CPA6: variants seen among roughly 807,000 people sequenced by gnomAD.
The protein encoded by CPA6 is carboxypeptidase A6, also known as carboxypeptidase B.
Under a neutral mutation model 63.3 loss-of-function variants are expected in CPA6, and 58 were observed. The ratio of observed to expected loss-of-function variants is 0.92; its 90% CI spans 0.74 to 1.14. The LOEUF (loss-of-function observed/expected upper bound fraction) is 1.14. Among genes scored for constraint, CPA6 ranks in the 50% most tolerant of loss-of-function variants. The probability of loss-of-function intolerance (pLI) is 0.00; values close to 1 mark genes in which losing one functional copy is unlikely to be tolerated. For missense variants in CPA6, 565 were observed against 526.6 expected, an observed-to-expected ratio of 1.07 and a Z score of -0.71; for synonymous variants, 185 against 179.0, an observed-to-expected ratio of 1.03 and a Z score of -0.27.
chr8:67,470,402 C>G (rs751382851), intron 8 of CPA6, among the ~76,000 whole-genome samples: 38 of 152,068 alleles, frequency 2.5e-4, no homozygotes, highest in Admixed American at 2.0e-4. Flanking sequence ...ATCCCAGTTA[C>G]AGCGCCCAGC....
intron 4 of CPA6, among the ~76,000 whole-genome samples, chr8:67,510,672 T>C (rs1812023892): frequency 6.6e-6 from 1 of 152,170 alleles, no homozygotes; most frequent in South Asian, 2.1e-4. Flanking sequence ...TGTCTGGCAT[T>C]CCTTTGTTCA....
At chr8:67,582,938 CTTTA>C (rs1449362863) in intron 2 of CPA6, among the ~76,000 whole-genome samples, 3 of 151,798 alleles carry the variant, frequency 2.0e-5, no homozygotes, top group Non-Finnish European at 4.4e-5. Context: ...GGTTGATAGT[CTTTA>C]TTTATTTGGG....
At chr8:67,478,957 T>G (rs2014477) in intron 8 of CPA6, among the ~76,000 whole-genome samples, 67,932 of 151,858 alleles carry the variant, frequency 0.45, 16,518 homozygotes, top group African/African-American at 0.67. Context: ...GGAGGCAGAG[T>G]TTGCAGTAAA....
chr8:67,557,985 C>A (rs1330593404), intron 2 of CPA6, among the ~76,000 whole-genome samples: 2 of 152,142 alleles, frequency 1.3e-5, no homozygotes, highest in East Asian at 1.9e-4. Context: ...GCCCTTAGAA[C>A]AAAGCCCTAC....
At chr8:67,648,381 G>A (rs1251143735) in intron 1 of CPA6, among the ~76,000 whole-genome samples, 2 of 149,318 alleles carry the variant, frequency 1.3e-5, no homozygotes, top group African/African-American at 4.9e-5. Context: ...AAGGGGTAAA[G>A]AACGGCATTG....
chr8:67,430,808 A>G (rs1750242710), intron 9 of CPA6, among the ~76,000 whole-genome samples: 1 of 152,072 alleles, frequency 6.6e-6, no homozygotes, highest in Non-Finnish European at 1.5e-5. Context: ...TGTGCCAATC[A>G]AAAATGTCTC....
chr8:67,439,270 G>T (rs1013818564), intron 8 of CPA6, among the ~76,000 whole-genome samples: 1 of 152,064 alleles, frequency 6.6e-6, no homozygotes, highest in Non-Finnish European at 1.5e-5. Flanking sequence ...TCTAGTCTGG[G>T]TGACAGAGCA....
chr8:67,592,666 T>C (rs1361501167), intron 2 of CPA6, among the ~76,000 whole-genome samples: 2 of 152,104 alleles, frequency 1.3e-5, no homozygotes, highest in Non-Finnish European at 2.9e-5. Flanking sequence ...TTTTCTAGTT[T>C]ATTTGCGTAG....
intron 4 of CPA6, among the ~76,000 whole-genome samples, chr8:67,509,904 T>C (rs920988111): frequency 2.0e-5 from 3 of 152,194 alleles, no homozygotes. Flanking sequence ...TAACAGATTT[T>C]TATAAAAAAT....
intron 10 of CPA6, among the ~76,000 whole-genome samples, chr8:67,426,746 T>C (rs971654698): frequency 6.6e-6 from 1 of 152,218 alleles, no homozygotes; most frequent in African/African-American, 2.4e-5. Context: ...ACATACAACA[T>C]GTGTGTGTTT....
chr8:67,573,774 C>T (rs887494242), intron 2 of CPA6, among the ~76,000 whole-genome samples: 1 of 151,188 alleles, frequency 6.6e-6, no homozygotes, highest in Non-Finnish European at 1.5e-5. Flanking sequence ...CACCTGTAGT[C>T]CCAGCTACTC....
Position 67,629,709 on chromosome 8 carries a change from A to G in CPA6, c.117-5458T>C, listed in dbSNP as rs1815275883. Among the ~76,000 whole-genome samples the G allele has an allele frequency of 6.6e-5, 10 of 152,230 alleles. 1 individual carries two copies. Among genetic ancestry groups the G allele is most frequent in the Admixed American group, 6.5e-4 (10 of 15,284 alleles). ...CTGTTCCCAACATGCAGTTCAAACAAACAATAACAAATATAGTGGGTTTGC... is the reference window on the plus strand; with the variant it reads ...CTGTTCCCAACATGCAGTTCAAACAGACAATAACAAATATAGTGGGTTTGC... On this transcript the variant is annotated intron_variant, in intron 1 of 10. Coordinates refer to ENST00000297770, the MANE Select transcript of CPA6 (RefSeq NM_020361.5).
intron 1 of CPA6, among the ~76,000 whole-genome samples, chr8:67,724,128 T>TC (rs201876236): frequency 0.048 from 7,260 of 152,256 alleles, 311 homozygotes; most frequent in African/African-American, 0.11. Context: ...CTGACTTTTT[T>TC]CCCTCTCTGA....
chr8:67,677,338 C>CCTT (rs1363323906), intron 1 of CPA6, among the ~76,000 whole-genome samples: 3 of 126,586 alleles, frequency 2.4e-5, no homozygotes. Flanking sequence ...TTTCAAAACA[C>CCTT]CTTCTTTTTT....
At chr8:67,708,633 G>A (rs1817190850) in intron 1 of CPA6, among the ~76,000 whole-genome samples, 1 of 152,140 alleles carries the variant, frequency 6.6e-6, no homozygotes. Context: ...AATCTTGCCT[G>A]TGTCTCCCTT....
intron 8 of CPA6, among the ~76,000 whole-genome samples, chr8:67,456,995 T>C (rs1810691288): frequency 6.6e-6 from 1 of 152,100 alleles, no homozygotes; most frequent in Non-Finnish European, 1.5e-5. Flanking sequence ...GGAAACAGAT[T>C]CTCCCAAGAG....
intron 8 of CPA6, among the ~76,000 whole-genome samples, chr8:67,455,584 G>A (rs1427238717): frequency 7.4e-6 from 1 of 135,464 alleles, no homozygotes; most frequent in Non-Finnish European, 1.5e-5. Flanking sequence ...AAAATTGTTG[G>A]ATTAGAAAAT....
chr8:67,713,979 C>T (rs988622303), intron 1 of CPA6, among the ~76,000 whole-genome samples: 3 of 152,064 alleles, frequency 2.0e-5, no homozygotes, highest in South Asian at 2.1e-4. Flanking sequence ...AATTTTAATC[C>T]TTCTGGTTTT....
At chr8:67,594,826 T>G (rs1814273646) in intron 2 of CPA6, among the ~76,000 whole-genome samples, 1 of 152,188 alleles carries the variant, frequency 6.6e-6, no homozygotes, top group African/African-American at 2.4e-5. Context: ...TTGGTTTGAA[T>G]TTCCTCCTGT....
Sources: allele counts gnomAD v4.1 joint callset (sites outside exome capture counted in the v4.1 genomes callset), GRCh38; gene constraint gnomAD v4.1.1; transcripts MANE v1.5; gene names NCBI Gene and HGNC (gene_info 2026-07-23, HGNC 2026-07-21).